Variants in DNAH6 observed in about 807,000 individuals in gnomAD.
DNAH6 encodes axonemal beta dynein heavy chain 6.
In DNAH6, 340 loss-of-function variants were observed where a neutral mutation model predicts 491.4. That is an observed-to-expected ratio of 0.69 (90% CI 0.63 to 0.76). The LOEUF (loss-of-function observed/expected upper bound fraction) is 0.76. DNAH6 is among the 30% of genes least tolerant of loss of function. The probability of loss-of-function intolerance (pLI) is 0.00; values close to 1 mark genes in which losing one functional copy is unlikely to be tolerated. For synonymous variants in DNAH6, 1,603 were observed against 1,686.1 expected, an observed-to-expected ratio of 0.95 and a Z score of 1.21; for missense variants, 4,443 against 4,972.2, an observed-to-expected ratio of 0.89 and a Z score of 3.20.
intron 31 of DNAH6, among the ~76,000 whole-genome samples, chr2:84,639,877 A>C (rs766482442): frequency 1.3e-5 from 2 of 152,224 alleles, no homozygotes; most frequent in Non-Finnish European, 2.9e-5. Flanking sequence ...TATAAATAGA[A>C]AAAAGGGTCC....
chr2:84,670,137 C>A (rs948537287), intron 38 of DNAH6, among the ~76,000 whole-genome samples, 191 bp from the exon 39 acceptor site: 2 of 152,184 alleles, frequency 1.3e-5, no homozygotes, highest in African/African-American at 4.8e-5. Context: ...TAAGATAGTG[C>A]TGATTAGAAT....
intron 56 of DNAH6, among the ~76,000 whole-genome samples, chr2:84,712,799 A>G (rs1697182849): frequency 6.6e-6 from 1 of 152,172 alleles, no homozygotes. Context: ...TCCAACCCAC[A>G]ATGACTTAAT....
At chr2:84,463,985 A>AC in the DNAH6 span, among the ~76,000 whole-genome samples, 6 of 151,674 alleles carry the variant, frequency 4.0e-5, no homozygotes, top group South Asian at 2.1e-4. Flanking sequence ...ATTTTTTGTG[A>AC]CCCCCCATTC....
At chr2:84,652,709 T>C (rs1690567417) in intron 33 of DNAH6, among the ~76,000 whole-genome samples, 2 of 152,086 alleles carry the variant, frequency 1.3e-5, no homozygotes, top group Admixed American at 1.3e-4. Flanking sequence ...ACAAATGTAT[T>C]TGTGTATATA....
At chr2:84,652,123 C>T (rs577850384) in intron 33 of DNAH6, among the ~76,000 whole-genome samples, 3 of 152,068 alleles carry the variant, frequency 2.0e-5, no homozygotes, top group East Asian at 1.9e-4. Flanking sequence ...TCTTTGCACA[C>T]GTATGATATT....
At position 84,727,922 on chromosome 2, in the gene DNAH6, G is replaced by A. The variant is rs1573622967; in HGVS notation, c.10206+20G>A. 8 of 1,455,756 alleles carry A rather than the reference G, an allele frequency of 5.5e-6. No homozygotes were observed. In the African/African-American group the frequency reaches 7.0e-5, roughly 13 times the overall value. The allele number at this position is 1,455,756 out of a possible 1,614,324, so 90.2% of individuals were successfully genotyped here. On this transcript the variant is annotated intron_variant, in intron 61 of 76. Transcript: ENST00000389394. ...GAAAAGGTACCTGATTCCCATTTAG[G>A]TGATGATTGATATGGTTTGGCTGTG...
At chr2:84,605,189 T>TAAA (rs1685632823) in intron 19 of DNAH6, among the ~76,000 whole-genome samples, 1 of 132,220 alleles carries the variant, frequency 7.6e-6, no homozygotes, top group African/African-American at 3.0e-5. Flanking sequence ...CTATTAAAAA[T>TAAA]ACAAAAAAAA....
At chr2:84,583,958 G>GA in intron 14 of DNAH6, 41 bp from the exon 15 acceptor site, 1 of 1,602,188 alleles carries the variant, frequency 6.2e-7, no homozygotes, top group Non-Finnish European at 8.5e-7. Context: ...ACTAAACTAG[G>GA]ATTCTGCTAC....
intron 10 of DNAH6, among the ~76,000 whole-genome samples, chr2:84,553,628 A>ATTTT (rs748931607): frequency 0.025 from 2,267 of 90,990 alleles, 310 homozygotes; most frequent in East Asian, 0.095. Flanking sequence ...AGGACTGGCT[A>ATTTT]TTTTTTTTTT....
intron 61 of DNAH6, among the ~76,000 whole-genome samples, 188 bp from the exon 62 acceptor site, chr2:84,733,256 A>T (rs147259116): frequency 6.6e-6 from 1 of 152,306 alleles, no homozygotes; most frequent in East Asian, 1.9e-4. Flanking sequence ...TAGCAGCTGT[A>T]CTTCTGTGCA....
intron 21 of DNAH6, among the ~76,000 whole-genome samples, chr2:84,609,012 C>T (rs1431353612): frequency 6.6e-6 from 1 of 152,188 alleles, no homozygotes; most frequent in African/African-American, 2.4e-5. Context: ...ACAGTGATAG[C>T]TTCTTTCAGT....
intron 11 of DNAH6, among the ~76,000 whole-genome samples, chr2:84,572,424 TA>T (rs2103938896): frequency 6.6e-6 from 1 of 152,228 alleles, no homozygotes; most frequent in East Asian, 1.9e-4. Context: ...ACAAGCCTTA[TA>T]TTGTTTCTAG....
At chr2:84,733,352 AC>A in intron 61 of DNAH6, 91 bp from the exon 62 acceptor site, 1 of 1,087,304 alleles carries the variant, frequency 9.2e-7, no homozygotes, top group East Asian at 2.6e-5. Flanking sequence ...ATTTTAACAT[AC>A]TATTAGAGCT....
intron 41 of DNAH6, among the ~76,000 whole-genome samples, chr2:84,677,423 T>A (rs944180124): frequency 6.6e-6 from 1 of 152,150 alleles, no homozygotes; most frequent in Admixed American, 6.5e-5. Flanking sequence ...CACTTAGCAC[T>A]CCACACACAG....
chr2:84,584,129 G>A lies in DNAH6; in HGVS notation c.2360G>A (p.Arg787Gln), dbSNP rs757399618. The change falls in exon 15 of 77, where the codon CGG becomes CAG. Residue 787 changes from arginine to glutamine, a missense_variant. By Grantham distance (43) the Arg-to-Gln change is conservative. Transcript: ENST00000389394. ...ATMKPSIVAV[R>Q]NAIDKSVGDR... is the part of the protein sequence containing the mutation. Reference sequence around the variant, plus strand: ...ATGAAGCCATCCATTGTTGCTGTTCGGAATGCCATTGATAAATCAGTGGGT... The same window carrying A: ...ATGAAGCCATCCATTGTTGCTGTTCAGAATGCCATTGATAAATCAGTGGGT... The A allele has an allele frequency of 4.3e-5, 69 of 1,613,998 alleles. No homozygotes were observed. Among genetic ancestry groups the A allele is most frequent in the African/African-American group, 1.1e-4 (8 of 74,902 alleles).
At chr2:84,707,089 C>A in intron 53 of DNAH6, 70 bp downstream of exon 53, 1 of 1,454,030 alleles carries the variant, frequency 6.9e-7, no homozygotes, top group Non-Finnish European at 9.0e-7. Flanking sequence ...AAGTTTTTGG[C>A]AATCAGGTTT....
chr2:84,498,781 C>T, the DNAH6 span, among the ~76,000 whole-genome samples: 16 of 151,990 alleles, frequency 1.1e-4, no homozygotes. Flanking sequence ...TATTTGGTGG[C>T]TGTCACCCCT....
intron 37 of DNAH6, among the ~76,000 whole-genome samples, chr2:84,659,913 T>C (rs1691332801): frequency 6.6e-6 from 1 of 152,126 alleles, no homozygotes; most frequent in African/African-American, 2.4e-5. Flanking sequence ...GCCCAGGAAT[T>C]TCAGGCTGCA....
At chr2:84,601,720 A>G (rs770285023) in intron 18 of DNAH6, among the ~76,000 whole-genome samples, 13 of 152,038 alleles carry the variant, frequency 8.6e-5, no homozygotes, top group Admixed American at 2.0e-4. Flanking sequence ...GTCATTATTT[A>G]TACAGTTGGA....
Sources: allele counts gnomAD v4.1 joint callset (sites outside exome capture counted in the v4.1 genomes callset), GRCh38; gene constraint gnomAD v4.1.1; transcripts MANE v1.5; gene names NCBI Gene and HGNC (gene_info 2026-07-23, HGNC 2026-07-21).